CSPP1: variants seen among roughly 807,000 people sequenced by gnomAD.
The protein encoded by CSPP1 is centrosome and spindle pole associated protein 1.
CSPP1 carries 126 observed loss-of-function variants against 164.4 expected under a neutral mutation model. That is an observed-to-expected ratio of 0.77 (90% CI 0.66 to 0.89). CSPP1 has a LOEUF of 0.89. Ranked by LOEUF, CSPP1 falls within the 40% of genes least tolerant of loss-of-function variation. The pLI is 0.00. For missense variants in CSPP1, 1,395 were observed against 1,449.8 expected (o/e 0.96, Z 0.61); for synonymous variants, 472 against 476.7 (o/e 0.99, Z 0.13).
At chr8:67,166,705 G>A (rs1255752915) in intron 24 of CSPP1, among the ~76,000 whole-genome samples, 2 of 150,614 alleles carry the variant, frequency 1.3e-5, no homozygotes, top group Non-Finnish European at 3.0e-5. Context: ...TTCTAAACAT[G>A]CATATTTAAT....
chr8:67,091,894 A>G lies in CSPP1; in HGVS notation c.384+11A>G. 8.1e-7 allele frequency: 1 copy of G among 1,235,518 alleles called. No individual in the cohort carries two copies. The highest frequency in any genetic ancestry group is 1.1e-6 in the Non-Finnish European group (1 of 926,688). 76.5% of individuals were successfully genotyped at this position (1,235,518 alleles called of 1,614,324 possible). A position where few individuals can be genotyped will look rare whatever the true frequency, so the allele number is the denominator to read the frequency against. ...AGGTTATCTGCTAAGGTAGGTGGAT[A>G]GGAGTAGTTATTGTGGGTACCAGTT... is the stretch of plus-strand genomic sequence containing the variant. On this transcript the variant is annotated intron_variant, in intron 5 of 30. Coordinates refer to ENST00000678616, the MANE Select transcript of CSPP1 (RefSeq NM_001382391.1).
intron 16 of CSPP1, among the ~76,000 whole-genome samples, chr8:67,132,727 G>C (rs996158158): frequency 1.3e-5 from 2 of 152,130 alleles, no homozygotes; most frequent in African/African-American, 4.8e-5. Context: ...TGATTCCTAG[G>C]AGAATAATGA....
rs17852120 is a variant in CSPP1, at chr8:67,164,488, T to A, written c.2808T>A (p.Ser936Arg). The change falls in exon 24 of 31, where the codon AGT becomes AGA. Residue 936 changes from serine to arginine, a missense_variant. Ser to Arg is a moderately radical substitution (Grantham distance 110, BLOSUM62 -1). Transcript: ENST00000678616. ...AAGAGCGATTGCTACACATGGACAGTGATGATGAAATTCCTATCAGGCAAG... is the reference window on the plus strand; with the variant it reads ...AAGAGCGATTGCTACACATGGACAGAGATGATGAAATTCCTATCAGGCAAG... ...RLQERLLHMD[S>R]DDEIPIRKKE... 1.3e-6 allele frequency: 2 copies of A among 1,565,582 alleles called. No individual in the cohort carries two copies. Among genetic ancestry groups the A allele is most frequent in the African/African-American group, 2.7e-5 (2 of 73,982 alleles).
intron 24 of CSPP1, among the ~76,000 whole-genome samples, chr8:67,171,286 A>G (rs950361171): frequency 6.6e-6 from 1 of 151,374 alleles, no homozygotes; most frequent in African/African-American, 2.4e-5. Flanking sequence ...CTGTAGTCCC[A>G]GCTACTCAGG....
chr8:67,137,669 GGGAGTAGA>G (rs1395550289), intron 17 of CSPP1, 66 bp downstream of exon 17: 16 of 1,143,322 alleles, frequency 1.4e-5, no homozygotes, highest in East Asian at 8.4e-5. Flanking sequence ...TAAAAGATTG[GGGAGTAGA>G]AAAAAGTAGG....
chr8:67,064,510 A>C lies in CSPP1; in HGVS notation c.-39A>C, dbSNP rs1231688896. 3 of 1,613,106 alleles carry C rather than the reference A, an allele frequency of 1.9e-6. No individual in the cohort carries two copies. The African/African-American group carries it at 4.0e-5, about 22-fold the overall frequency. ...CCGCTCCCCTGAGTAAGAGTCAGCC[A>C]GCCGCGGATGGGGAGCGTGAGTGGC... On this transcript the variant is annotated 5_prime_UTR_variant, in exon 1 of 31. Coordinates refer to ENST00000678616, the MANE Select transcript of CSPP1 (RefSeq NM_001382391.1).
At chr8:67,175,146 T>G in intron 25 of CSPP1, 150 bp from the exon 26 acceptor site, 1 of 647,710 alleles carries the variant, frequency 1.5e-6, no homozygotes, top group South Asian at 1.9e-5. Flanking sequence ...GTGGCTATTT[T>G]ACTGTCCTTT....
intron 28 of CSPP1, among the ~76,000 whole-genome samples, chr8:67,189,079 A>G (rs1414421028): frequency 6.6e-6 from 1 of 152,138 alleles, no homozygotes; most frequent in Non-Finnish European, 1.5e-5. Context: ...ATACCACCAC[A>G]TACCTGCTAG....
intron 16 of CSPP1, chr8:67,135,313 T>A (rs776527396): frequency 6.6e-6 from 1 of 152,024 alleles, no homozygotes; most frequent in Non-Finnish European, 1.5e-5. Flanking sequence ...CCCAGCTAAT[T>A]TTTATTTTTT....
chr8:67,074,533 G>A (rs1252822751), intron 2 of CSPP1, among the ~76,000 whole-genome samples, 182 bp downstream of exon 2: 1 of 152,072 alleles, frequency 6.6e-6, no homozygotes, highest in Non-Finnish European at 1.5e-5. Context: ...TTCTTTTGTG[G>A]TGGTTTATAT....
At position 67,095,445 on chromosome 8, in the gene CSPP1, AGAG is replaced by A. The variant is rs1311724859; in HGVS notation, c.642_644del (p.Glu214del). ...AAGAACTTCTGAACCAAAGACGACT[AGAG>A]GAGGACAGATACCGACAACTAGATG... On this transcript the variant is annotated inframe_deletion, in exon 7 of 31. Transcript: ENST00000678616. 1 of 1,613,532 alleles carries A rather than the reference AGAG, an allele frequency of 6.2e-7. No homozygotes were observed. Among genetic ancestry groups the A allele is most frequent in the Non-Finnish European group, 8.5e-7 (1 of 1,179,860 alleles).
At chr8:67,168,665 T>G (rs1829946316) in intron 24 of CSPP1, among the ~76,000 whole-genome samples, 2 of 152,240 alleles carry the variant, frequency 1.3e-5, no homozygotes, top group South Asian at 4.1e-4. Context: ...CATATTCTGA[T>G]TAAAGACATC....
At chr8:67,137,318 G>A in intron 16 of CSPP1, 138 bp from the exon 17 acceptor site, 2 of 545,556 alleles carry the variant, frequency 3.7e-6, no homozygotes. Flanking sequence ...AACCTTTGTA[G>A]GGGGGTACAC....
At chr8:67,086,814 T>G (rs1810488806) in intron 4 of CSPP1, 8 of 1,356,224 alleles carry the variant, frequency 5.9e-6, no homozygotes, top group Non-Finnish European at 7.9e-6. Flanking sequence ...TTGTTTCCCT[T>G]GACTTTAGGG....
chr8:67,116,805 A>G (rs1434859160), intron 13 of CSPP1, among the ~76,000 whole-genome samples: 1 of 152,098 alleles, frequency 6.6e-6, no homozygotes, highest in Non-Finnish European at 1.5e-5. Context: ...TATAAAATAT[A>G]TTTAAATTTA....
chr8:67,159,957 C>CTTTCTTTTCT lies in CSPP1; in HGVS notation c.2538+889_2538+898dup, dbSNP rs758860786. On this transcript the variant is annotated intron_variant, in intron 21 of 30. Transcript: ENST00000678616. ...TCCTTCCTTCCTTCCTTCCTTCCTT[C>CTTTCTTTTCT]TTTCTTTTCTTTTCTTTTCTTTTCT... Among the ~76,000 whole-genome samples the CTTTCTTTTCT allele has an allele frequency of 4.3e-3, 87 of 20,000 alleles. 2 individuals are homozygous for CTTTCTTTTCT. The highest frequency in any genetic ancestry group is 5.3e-3 in the Admixed American group (9 of 1,712). The allele number at this position is 20,000 out of a possible 152,430, so 13.1% of individuals were successfully genotyped here.
At position 67,195,427 on chromosome 8, in the gene CSPP1, T is replaced by G; in HGVS notation, c.3515T>G (p.Ile1172Arg). 1.2e-6 allele frequency: 2 copies of G among 1,614,142 alleles called. No homozygotes were observed. The highest frequency in any genetic ancestry group is 1.7e-6 in the Non-Finnish European group (2 of 1,180,006). ...LVDPDDIMKH[I>R]GDDGSNSVAT... ...GACCCTGATGACATCATGAAACACA[T>G]AGGGGATGACGGATCAAACTCTGTA... Residue 1172 changes from isoleucine to arginine, a missense_variant, in exon 31 of 31, where the codon ATA becomes AGA. Physicochemically the swap from Ile to Arg is moderately conservative, Grantham distance 97. Transcript: ENST00000678616.
intron 26 of CSPP1, among the ~76,000 whole-genome samples, chr8:67,176,372 C>T (rs1219476655): frequency 6.6e-6 from 1 of 152,086 alleles, no homozygotes; most frequent in Non-Finnish European, 1.5e-5. Flanking sequence ...CATGAGATAG[C>T]ATCACAGGAG....
intron 15 of CSPP1, among the ~76,000 whole-genome samples, chr8:67,127,451 C>T (rs1820313152): frequency 6.6e-6 from 1 of 152,124 alleles, no homozygotes; most frequent in South Asian, 2.1e-4. Context: ...TACATTTAAT[C>T]TCATCACGAG....
Sources: gnomAD v4.1 joint callset for allele counts (sites outside exome capture counted in the v4.1 genomes callset) on GRCh38, gnomAD v4.1.1 for gene constraint, MANE v1.5 for transcripts, NCBI Gene and HGNC (gene_info 2026-07-23, HGNC 2026-07-21) for gene names.